The following ZMYND19 variants were observed in gnomAD, a reference collection of about 807,000 sequenced individuals.
ZMYND19 encodes the protein zinc finger MYND domain-containing protein 19.
In ZMYND19, 17 loss-of-function variants were observed where a neutral mutation model predicts 32.0. That is an observed-to-expected ratio of 0.53 (90% CI 0.36 to 0.80). The LOEUF is 0.80. Among genes scored for constraint, ZMYND19 ranks in the 30% least tolerant of loss-of-function variants. ZMYND19 has a pLI of 0.00. For missense variants in ZMYND19, 250 were observed against 293.6 expected (o/e 0.85, Z 1.09); for synonymous variants, 124 against 113.6 (o/e 1.09, Z -0.58).
intron 4 of ZMYND19, among the ~76,000 whole-genome samples, chr9:137,583,852 G>A (rs1480342290): frequency 6.6e-6 from 1 of 152,256 alleles, no homozygotes; most frequent in African/African-American, 2.4e-5. Context: ...GACAGAACAG[G>A]AAAACACCCC....
rs372045907 is a variant in ZMYND19, at chr9:137,587,764, G to C, written c.171C>G (p.Asp57Glu). ...NGAKIFAYAF[D>E]KNRGRGSGRL... Reference sequence around the variant, plus strand: ...TCCCAGAGCCCCTTCCTCGGTTCTTGTCAAAGGCATAGGCAAATATCTTAG... The same window carrying C: ...TCCCAGAGCCCCTTCCTCGGTTCTTCTCAAAGGCATAGGCAAATATCTTAG... Residue 57 changes from aspartate to glutamate, a missense_variant, in exon 3 of 6, where the codon GAC becomes GAG. Physicochemically the swap from Asp to Glu is conservative, Grantham distance 45. Transcript: ENST00000298585. The C allele has an allele frequency of 6.2e-7, 1 of 1,614,174 alleles. No individual in the cohort carries two copies. The highest frequency in any genetic ancestry group is 1.1e-5 in the South Asian group (1 of 91,088).
At chr9:137,586,888 T>G (rs761905290) in intron 4 of ZMYND19, 79 bp downstream of exon 4, 47 of 1,585,476 alleles carry the variant, frequency 3.0e-5, no homozygotes, top group Non-Finnish European at 3.9e-5. Flanking sequence ...CAGGAGACCC[T>G]CTTGGAAACA....
chr9:137,587,901 A>G, intron 2 of ZMYND19, 78 bp from the exon 3 acceptor site: 1 of 1,414,292 alleles, frequency 7.1e-7, no homozygotes, highest in Non-Finnish European at 1.0e-6. Context: ...TAGAAAAACC[A>G]AGTGAAACAA....
In ZMYND19 at chr9:137,583,072, T is replaced by C; in HGVS notation, c.451A>G (p.Asn151Asp). 1.9e-6 allele frequency: 3 copies of C among 1,614,202 alleles called. No individual in the cohort carries two copies. Among genetic ancestry groups the C allele is most frequent in the Non-Finnish European group, 2.5e-6 (3 of 1,180,024 alleles). ...TCTTCCACTACATCCCCGTTGGCAT[T>C]ATAATACCGGGTCACATTTAGGACA... Reference protein sequence around the residue: ...FPVLNVTRYYNANGDVVEEEE... With the variant: ...FPVLNVTRYYDANGDVVEEEE... Residue 151 changes from asparagine (N) to aspartate (D), a missense_variant, in exon 5 of 6, where the codon AAT (asparagine) becomes GAT (aspartate). Transcript: ENST00000298585.
chr9:137,582,766 T>A, intron 5 of ZMYND19, 80 bp from the exon 6 acceptor site: 1 of 1,560,072 alleles, frequency 6.4e-7, no homozygotes, highest in Non-Finnish European at 8.7e-7. Flanking sequence ...ACGGACAATC[T>A]GACGGACCCA....
At chr9:137,582,862 C>G (rs1842162909) in intron 5 of ZMYND19, 121 bp downstream of exon 5, 6 of 1,518,248 alleles carry the variant, frequency 4.0e-6, no homozygotes, top group Non-Finnish European at 5.3e-6. Flanking sequence ...GGTGGAAAAG[C>G]CCAAGAGGTG....
At chr9:137,587,600 G>A (rs1331913372) in intron 3 of ZMYND19, 117 bp downstream of exon 3, 2 of 854,968 alleles carry the variant, frequency 2.3e-6, no homozygotes, top group East Asian at 2.4e-5. Flanking sequence ...ATAACTGCGA[G>A]ATTCAGGGAA....
intron 3 of ZMYND19, 57 bp from the exon 4 acceptor site, chr9:137,587,164 C>G (rs1299470159): frequency 6.3e-7 from 1 of 1,581,758 alleles, no homozygotes; most frequent in African/African-American, 1.3e-5. Context: ...CCCACCCTCA[C>G]AGACATTTCT....
intron 1 of ZMYND19, chr9:137,589,753 AG>A (rs1842249103): frequency 1.0e-6 from 1 of 985,346 alleles, no homozygotes; most frequent in Admixed American, 6.1e-5. Context: ...GGCACAGAAG[AG>A]CCCACACCAG....
chr9:137,588,259 C>T (rs371399910), intron 2 of ZMYND19, among the ~76,000 whole-genome samples: 5 of 152,324 alleles, frequency 3.3e-5, no homozygotes, highest in African/African-American at 1.2e-4. Context: ...GAACGGGAGG[C>T]AGCTGGGCAG....
At chr9:137,589,241 T>C in intron 1 of ZMYND19, 1 of 711,320 alleles carries the variant, frequency 1.4e-6, no homozygotes, top group Non-Finnish European at 1.7e-6. Flanking sequence ...GTCTCTGGTC[T>C]CCGACCTGAC....
At chr9:137,582,843 G>T in intron 5 of ZMYND19, 140 bp downstream of exon 5, 1 of 1,502,732 alleles carries the variant, frequency 6.7e-7, no homozygotes, top group Non-Finnish European at 8.9e-7. Context: ...GGCAAAGGGA[G>T]ACCACTCTGG....
chr9:137,585,618 A>C (rs964736076), intron 4 of ZMYND19, among the ~76,000 whole-genome samples: 2 of 152,108 alleles, frequency 1.3e-5, no homozygotes, highest in Non-Finnish European at 1.5e-5. Flanking sequence ...CCAGTGAGGA[A>C]GGGATGGGGG....
At position 137,590,147 on chromosome 9, in the gene ZMYND19, C is replaced by T. The variant is rs1842256235; in HGVS notation, c.51+66G>A. The T allele has an allele frequency of 2.0e-6, 2 of 990,278 alleles. No individual in the cohort carries two copies. The highest frequency in any genetic ancestry group is 2.4e-6 in the Non-Finnish European group (2 of 833,552). The allele number at this position is 990,278 out of a possible 1,614,324, so 61.3% of individuals were successfully genotyped here. A position where few individuals can be genotyped will look rare whatever the true frequency, so the allele number is the denominator to read the frequency against. On this transcript the variant is annotated intron_variant, in intron 1 of 5. Coordinates refer to ENST00000298585, the MANE Select transcript of ZMYND19 (RefSeq NM_138462.3). The surrounding 1 kb of genome is among the most constrained non-coding windows in gnomAD (Gnocchi z 4.2). ...GCCCCGGCCGCCGCCCGCACAACCGCCCCCGGCCCCGCGCGGAGGCCTGGA... is the reference window on the plus strand; with the variant it reads ...GCCCCGGCCGCCGCCCGCACAACCGTCCCCGGCCCCGCGCGGAGGCCTGGA...
At chr9:137,583,597 G>A (rs1020309893) in intron 4 of ZMYND19, among the ~76,000 whole-genome samples, 6 of 123,912 alleles carry the variant, frequency 4.8e-5, no homozygotes, top group South Asian at 2.5e-4. Flanking sequence ...TGCCTACAAC[G>A]GGAGAGTTCT....
intron 4 of ZMYND19, among the ~76,000 whole-genome samples, chr9:137,585,846 C>T (rs1209805891): frequency 1.3e-5 from 2 of 152,276 alleles, no homozygotes; most frequent in Non-Finnish European, 2.9e-5. Flanking sequence ...CTAAACCTTA[C>T]CAGCGTTGCT....
chr9:137,586,961 A>G lies in ZMYND19; in HGVS notation c.359+6T>C. 6.2e-7 allele frequency: 1 copy of G among 1,611,776 alleles called. No individual in the cohort carries two copies. Among genetic ancestry groups the G allele is most frequent in the East Asian group, 2.2e-5 (1 of 44,870 alleles). ...GCTGGCATCGCCAGGCCCTGAGAAG[A>G]CCCACCTCTGCTTGCTGGAGGTCTC... On this transcript the variant is annotated splice_donor_region_variant and intron_variant, in intron 4 of 5. Coordinates refer to ENST00000298585, the MANE Select transcript of ZMYND19 (RefSeq NM_138462.3).
rs11137137 is a variant in ZMYND19 at position 137,588,721 on chromosome 9, G to A, written c.52-3C>T. 2.1e-3 allele frequency: 3,368 copies of A among 1,614,148 alleles called. 11 individuals carry two copies. Among genetic ancestry groups the A allele is most frequent in the Non-Finnish European group, 1.7e-3 (1,948 of 1,179,984 alleles). The stretch of plus-strand genomic sequence containing the variant: ...TCATCGATCAGCGTGTATTTGGTCT[G>A]GAAGTTAACCACATGTTTCAAATCA... On this transcript the variant is annotated splice_region_variant and splice_polypyrimidine_tract_variant and intron_variant, in intron 1 of 5. Transcript: ENST00000298585.
chr9:137,590,282 G>T lies in ZMYND19; in HGVS notation c.-19C>A. ...CGGTCATGGCCGGGCCTGCGCTCTCGGCCGGCAGCGCCGCTCCCTCGGGAG... is the reference window on the plus strand; with the variant it reads ...CGGTCATGGCCGGGCCTGCGCTCTCTGCCGGCAGCGCCGCTCCCTCGGGAG... On this transcript the variant is annotated 5_prime_UTR_variant, in exon 1 of 6. Coordinates refer to ENST00000298585, the MANE Select transcript of ZMYND19 (RefSeq NM_138462.3). This position sits in a 1 kb window ranked among gnomAD's most constrained non-coding sequence, Gnocchi z 4.2. The T allele has an allele frequency of 1.9e-6, 2 of 1,071,194 alleles. No homozygotes were observed. Among genetic ancestry groups the T allele is most frequent in the Non-Finnish European group, 2.3e-6 (2 of 881,694 alleles). The allele number at this position is 1,071,194 out of a possible 1,614,324, so 66.4% of individuals were successfully genotyped here. A position where few individuals can be genotyped will look rare whatever the true frequency, so the allele number is the denominator to read the frequency against.
Sources: gnomAD v4.1 joint callset for allele counts (sites outside exome capture counted in the v4.1 genomes callset) on GRCh38, gnomAD v4.1.1 for gene constraint, Gnocchi (gnomAD v3.1) non-coding constraint, MANE v1.5 for transcripts, NCBI Gene and HGNC (gene_info 2026-07-23, HGNC 2026-07-21) for gene names.